LUZP2: variants seen among roughly 807,000 people sequenced by gnomAD.
The protein encoded by LUZP2 is leucine zipper protein 2.
Under a neutral mutation model 51.6 loss-of-function variants are expected in LUZP2, and 52 were observed. That is an observed-to-expected ratio of 1.01 (90% CI 0.81 to 1.27). The LOEUF (loss-of-function observed/expected upper bound fraction) is 1.27, where lower values mean the gene tolerates loss of function less well. Ranked by LOEUF, LUZP2 falls within the 50% of genes most tolerant of loss-of-function variation. The pLI, the probability that LUZP2 is intolerant of heterozygous loss-of-function variation, is 0.00. For synonymous variants in LUZP2, 154 were observed against 137.3 expected, an observed-to-expected ratio of 1.12 and a Z score of -0.85; for missense variants, 436 against 395.4, an observed-to-expected ratio of 1.10 and a Z score of -0.87.
At chr11:24,931,341 C>T (rs950879470) in intron 7 of LUZP2, among the ~76,000 whole-genome samples, 6 of 151,968 alleles carry the variant, frequency 3.9e-5, no homozygotes, top group Non-Finnish European at 7.4e-5. Flanking sequence ...CTCCGAAGTT[C>T]TTTCTTCTTG....
intron 9 of LUZP2, among the ~76,000 whole-genome samples, chr11:25,006,693 C>T (rs750767683): frequency 2.0e-5 from 3 of 152,248 alleles, no homozygotes; most frequent in South Asian, 2.1e-4. Flanking sequence ...TGGCGATAGT[C>T]GATAGTCCCA....
At chr11:24,566,007 TTGTAA>T (rs1245415299) in intron 1 of LUZP2, among the ~76,000 whole-genome samples, 10 of 152,040 alleles carry the variant, frequency 6.6e-5, no homozygotes, top group African/African-American at 1.9e-4. Flanking sequence ...TACAAAATAA[TTGTAA>T]TGTAAACGAT....
intron 1 of LUZP2, 144 bp downstream of exon 1, chr11:24,497,449 T>C: frequency 2.0e-6 from 1 of 496,666 alleles, no homozygotes; most frequent in Admixed American, 4.3e-5. Context: ...TGGTTTGGGC[T>C]CTGAAATCCT....
intron 5 of LUZP2, among the ~76,000 whole-genome samples, chr11:24,881,168 T>G (rs1386228): frequency 1 from 152,253 of 152,268 alleles, 76,119 homozygotes; most frequent in Non-Finnish European, 1. Context: ...AACTTATGAG[T>G]TTATTTCAAG....
At chr11:24,590,647 A>T (rs1853226997) in intron 1 of LUZP2, among the ~76,000 whole-genome samples, 2 of 152,200 alleles carry the variant, frequency 1.3e-5, no homozygotes, top group Admixed American at 1.3e-4. Context: ...GGTGTTAAAA[A>T]ATTAAGTGTG....
At chr11:24,756,447 C>A (rs1445961839) in intron 4 of LUZP2, among the ~76,000 whole-genome samples, 4 of 152,350 alleles carry the variant, frequency 2.6e-5, no homozygotes, top group Admixed American at 6.5e-5. Context: ...CCACTGATAG[C>A]TTTTACCTTG....
chr11:24,894,948 T>C (rs1358585233), intron 5 of LUZP2, among the ~76,000 whole-genome samples: 1 of 152,100 alleles, frequency 6.6e-6, no homozygotes, highest in Non-Finnish European at 1.5e-5. Flanking sequence ...AAACACAAAC[T>C]AGGATAATGG....
At chr11:24,533,862 G>A (rs1851088470) in intron 1 of LUZP2, among the ~76,000 whole-genome samples, 1 of 151,098 alleles carries the variant, frequency 6.6e-6, no homozygotes, top group Non-Finnish European at 1.5e-5. Context: ...AATAATATAT[G>A]TATAACCCAG....
At chr11:24,701,184 G>C (rs185060454) in intron 1 of LUZP2, 69 of 153,548 alleles carry the variant, frequency 4.5e-4, no homozygotes, top group African/African-American at 1.5e-3. Context: ...TTGGCAGAAG[G>C]AGCAGCAGAG....
intron 1 of LUZP2, among the ~76,000 whole-genome samples, chr11:24,723,642 A>G (rs1284803437): frequency 2.6e-5 from 4 of 152,058 alleles, no homozygotes; most frequent in Admixed American, 2.0e-4. Flanking sequence ...GCTGGGAAAC[A>G]TCATGAGACC....
intron 7 of LUZP2, among the ~76,000 whole-genome samples, chr11:24,928,890 A>T (rs1212107329): frequency 6.6e-6 from 1 of 151,956 alleles, no homozygotes; most frequent in Non-Finnish European, 1.5e-5. Flanking sequence ...ATATTTTATT[A>T]CAATTTCCGT....
At chr11:24,596,383 A>G (rs1211873967) in intron 1 of LUZP2, among the ~76,000 whole-genome samples, 4 of 152,228 alleles carry the variant, frequency 2.6e-5, no homozygotes, top group African/African-American at 4.8e-5. Flanking sequence ...TAAAATTCAT[A>G]GAGGGTTTTC....
intron 1 of LUZP2, among the ~76,000 whole-genome samples, chr11:24,587,364 T>G (rs1192911304): frequency 1.3e-5 from 2 of 152,140 alleles, no homozygotes; most frequent in Non-Finnish European, 2.9e-5. Flanking sequence ...TATCTGGAAT[T>G]ATTTTTATTA....
chr11:25,027,216 A>G (rs1331857966), intron 9 of LUZP2, among the ~76,000 whole-genome samples: 2 of 152,126 alleles, frequency 1.3e-5, no homozygotes, highest in Non-Finnish European at 2.9e-5. Flanking sequence ...GTTATTTTGA[A>G]ATATTATTAT....
chr11:24,788,297 C>T (rs938594425), intron 5 of LUZP2, among the ~76,000 whole-genome samples: 1 of 148,766 alleles, frequency 6.7e-6, no homozygotes, highest in African/African-American at 2.5e-5. Context: ...TCAAGTGACT[C>T]TCCTGCCTCA....
At chr11:24,780,035 GT>G (rs1849043966) in intron 5 of LUZP2, among the ~76,000 whole-genome samples, 2 of 152,120 alleles carry the variant, frequency 1.3e-5, no homozygotes, top group South Asian at 4.2e-4. Flanking sequence ...TTCTGGGCTG[GT>G]TACTTCTGAC....
At chr11:24,916,577 G>A (rs1399536365) in intron 7 of LUZP2, among the ~76,000 whole-genome samples, 4 of 151,902 alleles carry the variant, frequency 2.6e-5, no homozygotes, top group East Asian at 1.9e-4. Flanking sequence ...GAGTGAGAAC[G>A]TGTGGTGTTT....
At chr11:25,000,335 A>G (rs1856646735) in intron 9 of LUZP2, among the ~76,000 whole-genome samples, 1 of 152,132 alleles carries the variant, frequency 6.6e-6, no homozygotes, top group Admixed American at 6.6e-5. Context: ...AATTTGGCTG[A>G]TGACTGCTCT....
rs1317815226 is a variant in LUZP2 at position 24,952,143 on chromosome 11, TA to T, written c.523-24441del. ...AAATAATGTGGAAGCAGCCTTATTA[TA>T]AAAAAAGAACATCTTTCTTTAATTG... On this transcript the variant is annotated intron_variant, in intron 7 of 11. Coordinates refer to ENST00000336930, the MANE Select transcript of LUZP2 (RefSeq NM_001009909.4). 2.6e-5 allele frequency among the ~76,000 whole-genome samples: 4 copies of T among 151,738 alleles called. No homozygotes were observed. In the Admixed American group the frequency reaches 2.6e-4, roughly 10 times the overall value.
Sources: allele counts gnomAD v4.1 joint callset (sites outside exome capture counted in the v4.1 genomes callset), GRCh38; gene constraint gnomAD v4.1.1; transcripts MANE v1.5; gene names NCBI Gene and HGNC (gene_info 2026-07-23, HGNC 2026-07-21).